The following MBD5 variants were observed in gnomAD, a reference collection of about 807,000 sequenced individuals.
MBD5 encodes methyl-CpG binding domain protein 5, also known as methyl-CpG-binding domain protein 5.
A neutral mutation model predicts 117.3 loss-of-function variants in MBD5; 13 were observed. The ratio of observed to expected loss-of-function variants is 0.11; its 90% confidence interval spans 0.07 to 0.18. MBD5 has a LOEUF of 0.18. Among genes scored for constraint, MBD5 ranks in the 10% least tolerant of loss-of-function variants. The pLI, the probability that MBD5 is intolerant of heterozygous loss-of-function variation, is 1.00. For missense variants in MBD5, 1,879 were observed against 2,093.8 expected, an observed-to-expected ratio of 0.90 and a Z score of 2.00; for synonymous variants, 727 against 766.4, an observed-to-expected ratio of 0.95 and a Z score of 0.85.
intron 12 of MBD5, among the ~76,000 whole-genome samples, chr2:148,509,781 C>G (rs1682160853): frequency 6.6e-6 from 1 of 152,200 alleles, no homozygotes; most frequent in African/African-American, 2.4e-5. Context: ...CAACTTTCTT[C>G]CCAAATCACC....
intron 1 of MBD5, among the ~76,000 whole-genome samples, chr2:148,040,352 A>G (rs1694320347): frequency 6.6e-6 from 1 of 152,068 alleles, no homozygotes; most frequent in South Asian, 2.1e-4. Context: ...AATCCCTGCA[A>G]AAGTACCCTA....
At chr2:148,199,831 C>T (rs1699092369) in intron 2 of MBD5, among the ~76,000 whole-genome samples, 1 of 151,954 alleles carries the variant, frequency 6.6e-6, no homozygotes, top group African/African-American at 2.4e-5. Flanking sequence ...CTCTCTATAA[C>T]ATATATCCTA....
chr2:148,182,402 T>C lies in MBD5; in HGVS notation c.-831+3609T>C, dbSNP rs1003590811. ...ATTATGAAGTATTACCTGATCATGA[T>C]GTATTATTCTTTAATACACTGTTGT... On this transcript the variant is annotated intron_variant, in intron 2 of 13. Coordinates refer to ENST00000642680, the MANE Select transcript of MBD5 (RefSeq NM_001378120.1). Among the ~76,000 whole-genome samples the C allele has an allele frequency of 5.9e-5, 9 of 152,230 alleles. No individual in the cohort carries two copies. In the East Asian group the frequency reaches 1.7e-3, roughly 29 times the overall value.
rs1242373349 is a variant in MBD5, at chr2:148,308,494, T to TC, written c.-679-33720_-679-33719insC. On this transcript the variant is annotated intron_variant, in intron 3 of 13. Transcript: ENST00000642680. The stretch of plus-strand genomic sequence containing the variant: ...CCACTTTTTGATGGGGTTCTTTCTT[T>TC]TTTTTTTTTTTTTTTTTTTTTTTTG... Among the ~76,000 whole-genome samples, 228 of 83,074 alleles carry TC rather than the reference T, an allele frequency of 2.7e-3. 1 individual carries two copies. The highest frequency in any genetic ancestry group is 5.5e-3 in the African/African-American group (106 of 19,240). The allele number at this position is 83,074 out of a possible 152,430, so 54.5% of individuals were successfully genotyped here.
intron 1 of MBD5, among the ~76,000 whole-genome samples, chr2:148,112,258 G>A (rs978175349): frequency 1.1e-4 from 16 of 152,070 alleles, no homozygotes; most frequent in Non-Finnish European, 2.2e-4. Context: ...GTTTGTGTAC[G>A]CACACATGCA....
chr2:148,376,329 G>A (rs1171054849), intron 4 of MBD5, among the ~76,000 whole-genome samples: 5 of 147,508 alleles, frequency 3.4e-5, no homozygotes, highest in Non-Finnish European at 7.4e-5. Flanking sequence ...GTGCAGCGGC[G>A]CAGTCTCGGC....
chr2:148,321,735 C>G (rs10172459), intron 3 of MBD5, among the ~76,000 whole-genome samples: 1,916 of 152,150 alleles, frequency 0.013, 39 homozygotes, highest in African/African-American at 0.043. Flanking sequence ...TCTCTTTCCT[C>G]TATTTCTATA....
At chr2:148,312,998 A>G (rs113765893) in intron 3 of MBD5, among the ~76,000 whole-genome samples, 1 of 152,238 alleles carries the variant, frequency 6.6e-6, no homozygotes, top group African/African-American at 2.4e-5. Context: ...AACAGCAAAG[A>G]TTGCTGCCTG....
rs111634056 is a variant in MBD5 at position 148,483,370 on chromosome 2, C to T, written c.2779C>T (p.Pro927Ser). The change falls in exon 9 of 14, where the codon CCA becomes TCA. Residue 927 changes from proline (P) to serine (S), a missense_variant. Pro to Ser is a moderately conservative substitution (Grantham distance 74). Around this residue, in one of 4 missense-constraint regions of MBD5, gnomAD observed 1,666 missense variants for 1,792.2 expected, o/e 0.93. Coordinates refer to ENST00000642680, the MANE Select transcript of MBD5 (RefSeq NM_001378120.1). ...SLLSSLPISL[P>S]VNQQHLLNQN... ...CCTCAGTTCTCTACCTATCTCTTTG[C>T]CAGTGAATCAACAGCATCTCCTAAA... The T allele has an allele frequency of 6.2e-7, 1 of 1,614,044 alleles. No homozygotes were observed.
intron 1 of MBD5, among the ~76,000 whole-genome samples, chr2:148,056,886 T>C (rs1021483304): frequency 6.6e-6 from 1 of 151,876 alleles, no homozygotes; most frequent in African/African-American, 2.4e-5. Flanking sequence ...TTTTTAACTT[T>C]TGATGTAATT....
intron 1 of MBD5, among the ~76,000 whole-genome samples, chr2:148,085,472 C>T (rs1695754067): frequency 6.6e-6 from 1 of 152,112 alleles, no homozygotes; most frequent in African/African-American, 2.4e-5. Context: ...CGCCTGTAAT[C>T]CCAGCACTTT....
chr2:148,314,698 G>A (rs1390366999), intron 3 of MBD5, among the ~76,000 whole-genome samples: 1 of 152,072 alleles, frequency 6.6e-6, no homozygotes, highest in Non-Finnish European at 1.5e-5. Flanking sequence ...ATAGACAAGT[G>A]CTGGGATTAC....
intron 1 of MBD5, among the ~76,000 whole-genome samples, chr2:148,151,291 C>A (rs1209259509): frequency 2.0e-3 from 302 of 151,854 alleles, no homozygotes; most frequent in African/African-American, 6.7e-3. Flanking sequence ...AGGGATGAAG[C>A]CCACTTGATC....
chr2:148,204,236 TG>T (rs1699218642), intron 2 of MBD5, among the ~76,000 whole-genome samples: 1 of 152,020 alleles, frequency 6.6e-6, no homozygotes, highest in Non-Finnish European at 1.5e-5. Context: ...AATATGAAAT[TG>T]GAAGGAGCAC....
At chr2:148,108,579 T>C (rs1267730611) in intron 1 of MBD5, among the ~76,000 whole-genome samples, 1 of 152,092 alleles carries the variant, frequency 6.6e-6, no homozygotes, top group Non-Finnish European at 1.5e-5. Flanking sequence ...TTCAGCTGAT[T>C]CAGCAAATAT....
At chr2:148,503,979 T>TA (rs1354072021) in intron 12 of MBD5, among the ~76,000 whole-genome samples, 9 of 152,150 alleles carry the variant, frequency 5.9e-5, no homozygotes, top group Non-Finnish European at 1.2e-4. Flanking sequence ...ATGTACAAAA[T>TA]AAAGTTAATA....
chr2:148,469,870 G>T lies in MBD5; in HGVS notation c.1927G>T (p.Ala643Ser), dbSNP rs1336336200. ...PTGEGQSGRAALRDKLMSQQK... is the reference protein window; with the variant it reads ...PTGEGQSGRASLRDKLMSQQK... Reference sequence around the variant, plus strand: ...AGGTGAAGGGCAAAGTGGTCGAGCAGCACTAAGAGATAAGCTGATGTCTCA... The same window carrying T: ...AGGTGAAGGGCAAAGTGGTCGAGCATCACTAAGAGATAAGCTGATGTCTCA... The change falls in exon 8 of 14, where the codon GCA (alanine) becomes TCA (serine). Residue 643 changes from alanine to serine, a missense_variant. Transcript: ENST00000642680. 2 of 1,613,964 alleles carry T rather than the reference G, an allele frequency of 1.2e-6. No homozygotes were observed. Among genetic ancestry groups the T allele is most frequent in the Non-Finnish European group, 1.7e-6 (2 of 1,179,914 alleles).
At chr2:148,447,326 T>A (rs982948155) in intron 4 of MBD5, among the ~76,000 whole-genome samples, 1 of 152,054 alleles carries the variant, frequency 6.6e-6, no homozygotes. Context: ...CTACTCTAAG[T>A]CAAGAATCAC....
intron 4 of MBD5, among the ~76,000 whole-genome samples, chr2:148,452,594 G>A (rs904788101): frequency 2.6e-5 from 4 of 151,318 alleles, no homozygotes; most frequent in Non-Finnish European, 2.9e-5. Context: ...AGCAAAATGA[G>A]AAAAAAAAAA....
Sources: allele counts gnomAD v4.1 joint callset (sites outside exome capture counted in the v4.1 genomes callset), GRCh38; gene constraint gnomAD v4.1.1; regional missense constraint gnomAD v4.1.1; transcripts MANE v1.5; gene names NCBI Gene and HGNC (gene_info 2026-07-23, HGNC 2026-07-21).